ANAPC7: variants seen among roughly 807,000 people sequenced by gnomAD.
ANAPC7 encodes the protein anaphase promoting complex subunit 7.
A neutral mutation model predicts 63.3 loss-of-function variants in ANAPC7; 25 were observed. The ratio of observed to expected loss-of-function variants is 0.39; its 90% CI spans 0.29 to 0.55. ANAPC7 has a LOEUF of 0.55. Among genes scored for constraint, ANAPC7 ranks in the 20% least tolerant of loss-of-function variants. The pLI is 0.57. For missense variants in ANAPC7, 516 were observed against 691.7 expected, an observed-to-expected ratio of 0.75 and a Z score of 2.85; for synonymous variants, 241 against 251.7, an observed-to-expected ratio of 0.96 and a Z score of 0.40.
intron 7 of ANAPC7, 115 bp downstream of exon 7, chr12:110,382,728 C>A: frequency 1.2e-6 from 1 of 833,772 alleles, no homozygotes; most frequent in Non-Finnish European, 1.9e-6. Flanking sequence ...AGCCACCATG[C>A]CTGTCCAGGT....
chr12:110,378,660 A>G (rs1881527963), intron 8 of ANAPC7: 1 of 152,132 alleles, frequency 6.6e-6, no homozygotes, highest in African/African-American at 2.4e-5. Flanking sequence ...TCTTCATGCC[A>G]GTAAGTTGAG....
At chr12:110,375,882 T>C (rs1277240234) in intron 10 of ANAPC7, 184 bp downstream of exon 10, 3 of 1,323,102 alleles carry the variant, frequency 2.3e-6, no homozygotes, top group Non-Finnish European at 2.9e-6. Flanking sequence ...ATGTTGTTAA[T>C]ATATTTTAAG....
chr12:110,386,156 C>A (rs1451393452), intron 6 of ANAPC7, among the ~76,000 whole-genome samples, 171 bp downstream of exon 6: 4 of 152,078 alleles, frequency 2.6e-5, no homozygotes, highest in African/African-American at 9.7e-5. Context: ...AATGGTATTA[C>A]CTAAGCGTTA....
chr12:110,401,126 T>TA, intron 1 of ANAPC7, among the ~76,000 whole-genome samples: 1 of 152,272 alleles, frequency 6.6e-6, no homozygotes, highest in Admixed American at 6.5e-5. Context: ...TGTAAGCACT[T>TA]AAAGGACTTT....
At position 110,382,437 on chromosome 12, in the gene ANAPC7, CT is replaced by C. The variant is rs1421089679; in HGVS notation, c.935+405del. ...TTATTTGAATCCAGGGCTGATTATC[CT>C]TTTAAAAAAAAAAAAAAAAAAAAAT... is the stretch of plus-strand genomic sequence containing the variant. On this transcript the variant is annotated intron_variant, in intron 7 of 10. Coordinates refer to ENST00000455511, the MANE Select transcript of ANAPC7 (RefSeq NM_016238.3). Among the ~76,000 whole-genome samples, 338 of 43,094 alleles carry C rather than the reference CT, an allele frequency of 7.8e-3. 1 individual carries two copies. Among genetic ancestry groups the C allele is most frequent in the South Asian group, 0.015 (20 of 1,358 alleles). The allele number at this position is 43,094 out of a possible 152,430, so 28.3% of individuals were successfully genotyped here. A position where few individuals can be genotyped will look rare whatever the true frequency, so the allele number is the denominator to read the frequency against.
chr12:110,399,880 G>A (rs2062203586), intron 1 of ANAPC7, among the ~76,000 whole-genome samples: 1 of 151,586 alleles, frequency 6.6e-6, no homozygotes, highest in African/African-American at 2.4e-5. Context: ...AGGATCACCT[G>A]AGGTCAGGAG....
chr12:110,387,867 C>A lies in ANAPC7; in HGVS notation c.546G>T (p.Gly182=), dbSNP rs1175617891. 2 of 1,614,018 alleles carry A rather than the reference C, an allele frequency of 1.2e-6. No individual in the cohort carries two copies. Among genetic ancestry groups the A allele is most frequent in the Non-Finnish European group, 8.5e-7 (1 of 1,179,978 alleles). Residue 182 remains glycine (G), a synonymous_variant, in exon 5 of 11, where the codon GGG becomes GGT. Coordinates refer to ENST00000455511, the MANE Select transcript of ANAPC7 (RefSeq NM_016238.3). ...ILGLLSLSVK[G]AEVASMTMNV... Reference sequence around the variant, plus strand: ...TCATTGTCATGGATGCCACCTCTGCCCCTTTTACAGAAAGGGACAACAAGC... The same window carrying A: ...TCATTGTCATGGATGCCACCTCTGCACCTTTTACAGAAAGGGACAACAAGC...
Position 110,376,091 on chromosome 12 carries a change from T to C in ANAPC7, c.1483A>G (p.Met495Val), listed in dbSNP as rs767659183. The C allele has an allele frequency of 8.7e-6, 14 of 1,614,018 alleles. No individual in the cohort carries two copies. The African/African-American group carries it at 1.2e-4, about 14-fold the overall frequency. Residue 495 changes from methionine to valine, a missense_variant, in exon 10 of 11, where the codon ATG becomes GTG. This residue lies in a region of ANAPC7 where 122 missense variants were observed against 212.0 expected (regional missense o/e 0.58). Coordinates refer to ENST00000455511, the MANE Select transcript of ANAPC7 (RefSeq NM_016238.3). ...LVAVNEYQEA[M>V]DQYSIALSLD... ...CTTAGTGCTATACTATACTGGTCCA[T>C]TGCCTCCTGATACTCATTGACAGCT...
chr12:110,376,079 T>C lies in ANAPC7; in HGVS notation c.1495A>G (p.Ser499Gly). The C allele has an allele frequency of 1.2e-6, 2 of 1,614,118 alleles. No individual in the cohort carries two copies. The highest frequency in any genetic ancestry group is 1.7e-6 in the Non-Finnish European group (2 of 1,180,010). Residue 499 changes from serine to glycine, a missense_variant, in exon 10 of 11, where the codon AGT becomes GGT. Coordinates refer to ENST00000455511, the MANE Select transcript of ANAPC7 (RefSeq NM_016238.3). Reference protein sequence around the residue: ...NEYQEAMDQYSIALSLDPNDQ... With the variant: ...NEYQEAMDQYGIALSLDPNDQ... The stretch of plus-strand genomic sequence containing the variant: ...GCTAGTGCCTACCTTAGTGCTATAC[T>C]ATACTGGTCCATTGCCTCCTGATAC...
chr12:110,378,745 C>T (rs1881535686), intron 8 of ANAPC7: 1 of 152,214 alleles, frequency 6.6e-6, no homozygotes, highest in Non-Finnish European at 1.5e-5. Flanking sequence ...CAAACCCACA[C>T]AATCCTTGGC....
chr12:110,376,352 A>G (rs924446078), intron 9 of ANAPC7, 136 bp from the exon 10 acceptor site: 27 of 933,572 alleles, frequency 2.9e-5, no homozygotes, highest in Non-Finnish European at 4.2e-5. Flanking sequence ...CTGAAGCCCT[A>G]TTCAGTTAAG....
rs916405278 is a variant in ANAPC7, at chr12:110,387,713, C to T, written c.674+26G>A. The T allele has an allele frequency of 5.7e-6, 9 of 1,586,354 alleles. No individual in the cohort carries two copies. In the Admixed American group the frequency reaches 8.6e-5, roughly 15 times the overall value. On this transcript the variant is annotated intron_variant, in intron 5 of 10. Coordinates refer to ENST00000455511, the MANE Select transcript of ANAPC7 (RefSeq NM_016238.3). Reference sequence around the variant, plus strand: ...CCAGACAAGCAAAGGGCCTCAAGAACACTGAATTAACTTTGTGGCTCTCAC... The same window carrying T: ...CCAGACAAGCAAAGGGCCTCAAGAATACTGAATTAACTTTGTGGCTCTCAC...
At chr12:110,379,962 A>G (rs1318300148) in intron 8 of ANAPC7, among the ~76,000 whole-genome samples, 1 of 152,246 alleles carries the variant, frequency 6.6e-6, no homozygotes, top group Non-Finnish European at 1.5e-5. Context: ...GGTCACAATG[A>G]ACAGACCCAT....
At position 110,386,332 on chromosome 12, in the gene ANAPC7, A is replaced by G. The variant is rs1401920592; in HGVS notation, c.812T>C (p.Ile271Thr). 2.5e-6 allele frequency: 4 copies of G among 1,613,926 alleles called. No homozygotes were observed. The highest frequency in any genetic ancestry group is 1.7e-5 in the Admixed American group (1 of 59,954). Residue 271 changes from isoleucine to threonine, a missense_variant, in exon 6 of 11, where the codon ATA becomes ACA. Ile to Thr is a moderately conservative substitution (Grantham distance 89). This residue lies in a region of ANAPC7 where 199 missense variants were observed against 249.3 expected (regional missense o/e 0.80). Coordinates refer to ENST00000455511, the MANE Select transcript of ANAPC7 (RefSeq NM_016238.3). ...CTGCCCCAAGAATTACTTACCTTTT[A>G]TCAGATAAGGATCCAACATCTGTGC... ...EQAQMLDPYLIKGMDVYGYLL... is the reference protein window; with the variant it reads ...EQAQMLDPYLTKGMDVYGYLL...
In ANAPC7 at chr12:110,396,276, G is replaced by A. The variant is rs771444645; in HGVS notation, c.278C>T (p.Pro93Leu). ...RPSTGNSAST[P>L]QSQCLPSEIE... ...TCTATCTCCAATTACCTGACTTTGT[G>A]GAGTAGATGCAGAATTTCCAGTTGA... is the stretch of plus-strand genomic sequence containing the variant. Residue 93 changes from proline (P) to leucine (L), a missense_variant, in exon 2 of 11, where the codon CCA (proline) becomes CTA (leucine). Physicochemically the swap from Pro to Leu is moderately conservative, Grantham distance 98 (BLOSUM62 -3). Transcript: ENST00000455511. 1 of 1,607,602 alleles carries A rather than the reference G, an allele frequency of 6.2e-7. No individual in the cohort carries two copies. The highest frequency in any genetic ancestry group is 8.5e-7 in the Non-Finnish European group (1 of 1,177,522).
chr12:110,384,686 CA>C lies in ANAPC7; in HGVS notation c.817+1640del, dbSNP rs1162871432. 1.2e-4 allele frequency among the ~76,000 whole-genome samples: 17 copies of C among 137,446 alleles called. No homozygotes were observed. In the East Asian group the frequency reaches 2.8e-3, roughly 23 times the overall value. The allele number at this position is 137,446 out of a possible 152,430, so 90.2% of individuals were successfully genotyped here. On this transcript the variant is annotated intron_variant, in intron 6 of 10. Coordinates refer to ENST00000455511, the MANE Select transcript of ANAPC7 (RefSeq NM_016238.3). ...GAGACTCTGTCTCACAAAAAAAAAA[CA>C]AAAAAAAACAAAAAAAACAAAAAAC...
At chr12:110,381,134 G>C (rs1881806699) in intron 8 of ANAPC7, among the ~76,000 whole-genome samples, 1 of 151,498 alleles carries the variant, frequency 6.6e-6, no homozygotes, top group Admixed American at 6.6e-5. Flanking sequence ...GATTATGAAA[G>C]TATGGGGTGA....
At position 110,395,220 on chromosome 12, in the gene ANAPC7, A is replaced by G; in HGVS notation, c.289T>C (p.Cys97Arg). 1 of 1,605,828 alleles carries G rather than the reference A, an allele frequency of 6.2e-7. No individual in the cohort carries two copies. The change falls in exon 3 of 11, where the codon TGT (cysteine) becomes CGT (arginine). Residue 97 changes from cysteine to arginine, a missense_variant and splice_region_variant. Coordinates refer to ENST00000455511, the MANE Select transcript of ANAPC7 (RefSeq NM_016238.3). ...TTCACTTCAATTTCAGATGGAAGAC[A>G]CTAAAAGACAATGGAAATATTTCTT... is the stretch of plus-strand genomic sequence containing the variant. ...GNSASTPQSQ[C>R]LPSEIEVKYK...
rs117447857 is a variant in ANAPC7, at chr12:110,375,317, C to T, written c.1508+749G>A. The T allele has an allele frequency of 4.5e-5, 33 of 725,774 alleles. No individual in the cohort carries two copies. The East Asian group carries it at 3.0e-3, about 67-fold the overall frequency. The allele number at this position is 725,774 out of a possible 1,614,324, so 45.0% of individuals were successfully genotyped here. A position where few individuals can be genotyped will look rare whatever the true frequency, so the allele number is the denominator to read the frequency against. On this transcript the variant is annotated intron_variant, in intron 10 of 10. Coordinates refer to ENST00000455511, the MANE Select transcript of ANAPC7 (RefSeq NM_016238.3). ...CTGCATGTCTGAGACTGACAGCTCC[C>T]GAAACATAGCATCTCCAGTTGTCAC...
Sources: allele counts gnomAD v4.1 joint callset (sites outside exome capture counted in the v4.1 genomes callset), GRCh38; gene constraint gnomAD v4.1.1; regional missense constraint gnomAD v4.1.1; transcripts MANE v1.5; gene names NCBI Gene and HGNC (gene_info 2026-07-23, HGNC 2026-07-21).